BPTF: variants seen among roughly 807,000 people sequenced by gnomAD.
BPTF encodes bromodomain PHD finger transcription factor.
A neutral mutation model predicts 292.5 loss-of-function variants in BPTF; 18 were observed. That is an observed-to-expected ratio of 0.06 (90% confidence interval 0.04 to 0.09). The LOEUF (loss-of-function observed/expected upper bound fraction) is 0.09. Among genes scored for constraint, BPTF ranks in the 10% least tolerant of loss-of-function variants. The pLI is 1.00. For synonymous variants in BPTF, 1,225 were observed against 1,251.9 expected (o/e 0.98, Z 0.45); for missense variants, 2,726 against 3,498.7 (o/e 0.78, Z 5.57).
At chr17:67,849,472 AT>A (rs2058251101) in intron 1 of BPTF, among the ~76,000 whole-genome samples, 1 of 152,004 alleles carries the variant, frequency 6.6e-6, no homozygotes, top group Non-Finnish European at 1.5e-5. Flanking sequence ...TTTTTCCAGT[AT>A]TTTCATGACA....
At chr17:67,919,220 AAATAT>A (rs1425994372) in intron 12 of BPTF, among the ~76,000 whole-genome samples, 2 of 143,638 alleles carry the variant, frequency 1.4e-5, no homozygotes, top group Admixed American at 7.0e-5. Context: ...AATAATAATA[AAATAT>A]AATGCTTGTT....
At chr17:67,889,075 G>T (rs2060934462) in intron 4 of BPTF, among the ~76,000 whole-genome samples, 1 of 152,172 alleles carries the variant, frequency 6.6e-6, no homozygotes, top group Non-Finnish European at 1.5e-5. Flanking sequence ...AAGAGTTTGT[G>T]TAGGCTTCTG....
Position 67,945,483 on chromosome 17 carries a change from C to T in BPTF, c.6775C>T (p.Gln2259Ter). The change falls in exon 21 of 28, where the codon CAG becomes TAG. Residue 2259 changes from glutamine to a stop codon, truncating the protein, a stop_gained. Transcript: ENST00000306378. LOFTEE classifies it high-confidence loss of function. ...TCAAGACAAAACCCTGCCACCAGCT[C>T]AGTCATCAAGTGTGGGTCCAGCAGA... ...VHQDKTLPPA[Q>*]SSSVGPAEAQ... The T allele has an allele frequency of 6.2e-7, 1 of 1,614,140 alleles. No homozygotes were observed. The highest frequency in any genetic ancestry group is 8.5e-7 in the Non-Finnish European group (1 of 1,180,026).
At chr17:67,979,946 C>G (rs1484453785) in intron 27 of BPTF, among the ~76,000 whole-genome samples, 3 of 151,996 alleles carry the variant, frequency 2.0e-5, no homozygotes, top group Admixed American at 2.0e-4. Context: ...GAGGCTGAGA[C>G]AGGAGAATCA....
Position 67,912,383 on chromosome 17 carries a change from G to A in BPTF, c.4499G>A (p.Ser1500Asn), listed in dbSNP as rs781602924. 4.3e-6 allele frequency: 7 copies of A among 1,614,132 alleles called. 2 individuals carry two copies. The South Asian group carries it at 7.7e-5, about 18-fold the overall frequency. The stretch of plus-strand genomic sequence containing the variant: ...GATGCTGAAGGTAACTACCGAGATA[G>A]CCTTGAGACCCTGCCATCAACCAAA... ...SSDAEGNYRDSLETLPSTKES... is the reference protein window; with the variant it reads ...SSDAEGNYRDNLETLPSTKES... Residue 1500 changes from serine (S) to asparagine (N), a missense_variant, in exon 11 of 28, where the codon AGC becomes AAC. Ser to Asn is a conservative substitution (Grantham distance 46). Coordinates refer to ENST00000306378, the MANE Select transcript of BPTF (RefSeq NM_182641.4).
chr17:67,930,979 T>C (rs1305314579), intron 17 of BPTF, among the ~76,000 whole-genome samples: 1 of 151,292 alleles, frequency 6.6e-6, no homozygotes, highest in Non-Finnish European at 1.5e-5. Flanking sequence ...GTTCAAAGAT[T>C]AGCTGGGCCG....
intron 23 of BPTF, chr17:67,951,004 C>G (rs2148060921): frequency 6.6e-6 from 1 of 151,900 alleles, no homozygotes; most frequent in East Asian, 1.9e-4. Context: ...GAGGGTGTTT[C>G]ACCATTTTTT....
At chr17:67,976,848 A>AT (rs1555694254) in intron 27 of BPTF, among the ~76,000 whole-genome samples, 1 of 152,082 alleles carries the variant, frequency 6.6e-6, no homozygotes, top group African/African-American at 2.4e-5. Flanking sequence ...TTAGCAGTGA[A>AT]TAAATTAAAG....
intron 13 of BPTF, among the ~76,000 whole-genome samples, chr17:67,922,301 T>C (rs1368110325): frequency 1.3e-5 from 2 of 152,208 alleles, no homozygotes; most frequent in African/African-American, 2.4e-5. Flanking sequence ...CTGCTTTTTA[T>C]TTTTTAAATC....
intron 11 of BPTF, among the ~76,000 whole-genome samples, chr17:67,918,490 G>A (rs1157450726): frequency 1.3e-5 from 2 of 151,828 alleles, no homozygotes; most frequent in Non-Finnish European, 2.9e-5. Flanking sequence ...AATGAATATA[G>A]CCCCTTTTAA....
chr17:67,953,063 G>A (rs1555679199), intron 23 of BPTF, among the ~76,000 whole-genome samples: 1 of 151,672 alleles, frequency 6.6e-6, no homozygotes, highest in East Asian at 1.9e-4. Context: ...CCGGGTTCAC[G>A]CCAGTCTCCT....
chr17:67,977,269 C>T (rs1555694483), intron 27 of BPTF, among the ~76,000 whole-genome samples: 1 of 152,036 alleles, frequency 6.6e-6, no homozygotes, highest in African/African-American at 2.4e-5. Flanking sequence ...AATCCCAGCA[C>T]TTTGGGAGGC....
rs2068386447 is a variant in BPTF at position 67,968,554 on chromosome 17, G to A, written c.8539+1898G>A. ...AGCACTTTGGGAGGCTGAGGTGGGTGGATCACGAGGTCAGGAGATCGAGAC... is the reference window on the plus strand; with the variant it reads ...AGCACTTTGGGAGGCTGAGGTGGGTAGATCACGAGGTCAGGAGATCGAGAC... On this transcript the variant is annotated intron_variant, in intron 26 of 27. Coordinates refer to ENST00000306378, the MANE Select transcript of BPTF (RefSeq NM_182641.4). 2.0e-5 allele frequency among the ~76,000 whole-genome samples: 3 copies of A among 150,958 alleles called. No homozygotes were observed. The South Asian group carries it at 6.2e-4, about 31-fold the overall frequency.
At chr17:67,930,611 A>G (rs940690274) in intron 17 of BPTF, among the ~76,000 whole-genome samples, 1 of 152,186 alleles carries the variant, frequency 6.6e-6, no homozygotes, top group African/African-American at 2.4e-5. Context: ...GAACCTAACT[A>G]TAAAACTGAA....
chr17:67,875,439 G>T, intron 4 of BPTF: 1 of 635,486 alleles, frequency 1.6e-6, no homozygotes, highest in Non-Finnish European at 2.5e-6. Flanking sequence ...GCTTTAAAAT[G>T]GCCGTTCAAT....
chr17:67,844,932 A>G (rs1282153337), intron 1 of BPTF, among the ~76,000 whole-genome samples: 1 of 152,004 alleles, frequency 6.6e-6, no homozygotes, highest in African/African-American at 2.4e-5. Context: ...TAGTAGAGAC[A>G]GCGTTTCTTC....
chr17:67,906,084 GTTGT>G (rs1179858965), intron 9 of BPTF, among the ~76,000 whole-genome samples: 1 of 151,780 alleles, frequency 6.6e-6, no homozygotes, highest in Non-Finnish European at 1.5e-5. Context: ...GGGGGGAGGG[GTTGT>G]TTTTGTTTTT....
chr17:67,864,588 C>A (rs1363405035), intron 2 of BPTF, among the ~76,000 whole-genome samples: 9 of 149,100 alleles, frequency 6.0e-5, no homozygotes, highest in South Asian at 4.3e-4. Flanking sequence ...ACCAAAAAAA[C>A]CCCCAACTTT....
At chr17:67,939,973 A>G (rs1459532044) in intron 18 of BPTF, among the ~76,000 whole-genome samples, 1 of 152,276 alleles carries the variant, frequency 6.6e-6, no homozygotes, top group Non-Finnish European at 1.5e-5. Context: ...TCTGTCAAAT[A>G]GCTGTAAGAG....
Sources: allele counts gnomAD v4.1 joint callset (sites outside exome capture counted in the v4.1 genomes callset), GRCh38; gene constraint gnomAD v4.1.1; transcripts MANE v1.5; gene names NCBI Gene and HGNC (gene_info 2026-07-23, HGNC 2026-07-21).